The following IQSEC1 variants were observed in gnomAD, a reference collection of about 807,000 sequenced individuals.
IQSEC1 encodes the protein IQ motif and SEC7 domain-containing protein 1.
IQSEC1 carries 31 observed loss-of-function variants against 91.0 expected under a neutral mutation model. The observed-to-expected ratio is 0.34, with a 90% CI of 0.26 to 0.46. The LOEUF is 0.46. Ranked by LOEUF, IQSEC1 falls within the 20% of genes least tolerant of loss-of-function variation. The pLI, the probability that IQSEC1 is intolerant of heterozygous loss-of-function variation, is 1.00. For missense variants in IQSEC1, 1,388 were observed against 1,575.6 expected (o/e 0.88, Z 2.02); for synonymous variants, 699 against 662.6 (o/e 1.05, Z -0.84).
intron 1 of IQSEC1, among the ~76,000 whole-genome samples, chr3:12,990,234 C>T (rs1444759947): frequency 6.6e-6 from 1 of 152,176 alleles, no homozygotes; most frequent in African/African-American, 2.4e-5. Context: ...TAAAATGGTC[C>T]TGCAGGGCAT....
chr3:12,935,342 C>G lies in IQSEC1; in HGVS notation c.1568+106G>C. 8.8e-7 allele frequency: 1 copy of G among 1,130,550 alleles called. No individual in the cohort carries two copies. The allele number at this position is 1,130,550 out of a possible 1,614,324, so 70.0% of individuals were successfully genotyped here. A position where few individuals can be genotyped will look rare whatever the true frequency, so the allele number is the denominator to read the frequency against. ...GTGGCAGCTTCCTATGCTCATAGGC[C>G]ACGGTGGACCTCAAGCTCCGTGCTT... On this transcript the variant is annotated intron_variant, in intron 3 of 13. Transcript: ENST00000613206. This position sits in a 1 kb window ranked among gnomAD's most constrained non-coding sequence, Gnocchi z 8.0.
At chr3:12,916,133 C>G (rs931496718) in intron 6 of IQSEC1, among the ~76,000 whole-genome samples, 1 of 152,136 alleles carries the variant, frequency 6.6e-6, no homozygotes, top group Non-Finnish European at 1.5e-5. Flanking sequence ...GTTTGGGCTC[C>G]GATGGACCTG....
At chr3:13,038,467 T>C (rs1251503682) in intron 1 of IQSEC1, among the ~76,000 whole-genome samples, 1 of 151,454 alleles carries the variant, frequency 6.6e-6, no homozygotes, top group African/African-American at 2.4e-5. Flanking sequence ...CTTATGGACA[T>C]AGAGACTAGG....
intron 1 of IQSEC1, among the ~76,000 whole-genome samples, chr3:13,198,959 G>C (rs1347163027): frequency 1.3e-5 from 2 of 152,236 alleles, no homozygotes; most frequent in Non-Finnish European, 2.9e-5. Context: ...GGGCTTGGGA[G>C]GCTGCCGGGC....
At chr3:13,196,463 C>G (rs903565869) in intron 1 of IQSEC1, among the ~76,000 whole-genome samples, 1 of 152,328 alleles carries the variant, frequency 6.6e-6, no homozygotes, top group East Asian at 1.9e-4. Flanking sequence ...CCTCCTCAAC[C>G]GAGGGCTCAA....
intron 1 of IQSEC1, among the ~76,000 whole-genome samples, chr3:13,263,252 C>T (rs1458222723): frequency 1.4e-5 from 1 of 69,288 alleles, no homozygotes; most frequent in Non-Finnish European, 2.4e-5. Flanking sequence ...CTGTCTCAAA[C>T]AAAACAAAAC....
At chr3:12,937,182 C>T (rs1698281725) in intron 2 of IQSEC1, among the ~76,000 whole-genome samples, 1 of 152,166 alleles carries the variant, frequency 6.6e-6, no homozygotes, top group Non-Finnish European at 1.5e-5. Flanking sequence ...ATCCACCCGC[C>T]TCGCCCTCCC....
At chr3:13,216,434 G>A (rs910585830) in intron 1 of IQSEC1, among the ~76,000 whole-genome samples, 2 of 152,160 alleles carry the variant, frequency 1.3e-5, no homozygotes, top group Non-Finnish European at 2.9e-5. Context: ...GGCTTACAGA[G>A]GGCAGGTGAG....
chr3:13,276,154 T>C (rs1695676090), intron 1 of IQSEC1, among the ~76,000 whole-genome samples: 1 of 141,356 alleles, frequency 7.1e-6, no homozygotes, highest in Admixed American at 7.7e-5. Context: ...AATGGCGTGA[T>C]CTCGGCTCAC....
At chr3:13,269,403 G>T (rs193059701) in intron 1 of IQSEC1, among the ~76,000 whole-genome samples, 6 of 152,310 alleles carry the variant, frequency 3.9e-5, no homozygotes, top group Non-Finnish European at 7.4e-5. Context: ...CATATGGCAG[G>T]AGTTAAAAAT....
intron 1 of IQSEC1, among the ~76,000 whole-genome samples, chr3:13,029,967 CTTTA>C (rs1332963064): frequency 1.3e-5 from 2 of 152,182 alleles, no homozygotes; most frequent in Non-Finnish European, 2.9e-5. Flanking sequence ...CTCGTCCCAC[CTTTA>C]TTTATTTATT....
intron 2 of IQSEC1, among the ~76,000 whole-genome samples, chr3:13,146,835 G>A (rs979957954): frequency 2.6e-5 from 4 of 152,058 alleles, no homozygotes; most frequent in African/African-American, 9.7e-5. Flanking sequence ...CTCTGTCCCT[G>A]CTAAAAAAAA....
intron 2 of IQSEC1, among the ~76,000 whole-genome samples, chr3:13,131,017 C>G (rs367647962): frequency 7.4e-5 from 6 of 80,894 alleles, no homozygotes; most frequent in Non-Finnish European, 1.2e-4. Flanking sequence ...AAGGAAGGAA[C>G]GGAAGGGAAG....
chr3:13,183,208 A>AACAT (rs1197547538), intron 1 of IQSEC1, among the ~76,000 whole-genome samples: 1 of 145,728 alleles, frequency 6.9e-6, no homozygotes. Context: ...CAAACAAACA[A>AACAT]ACATAAATAA....
chr3:13,144,186 ACC>A (rs1276913052), intron 2 of IQSEC1, among the ~76,000 whole-genome samples: 1 of 151,226 alleles, frequency 6.6e-6, no homozygotes, highest in African/African-American at 2.4e-5. Flanking sequence ...CAAGGTACCA[ACC>A]CCTGTCCCCT....
chr3:12,945,583 A>G (rs1354315470), intron 1 of IQSEC1, among the ~76,000 whole-genome samples: 2 of 152,248 alleles, frequency 1.3e-5, no homozygotes, highest in East Asian at 3.9e-4. Context: ...AAAAAAAGAA[A>G]TGGCTGGGCC....
rs1418918870 is a variant in IQSEC1 at position 12,935,756 on chromosome 3, C to G, written c.1260G>C (p.Glu420Asp). The G allele has an allele frequency of 6.2e-7, 1 of 1,609,310 alleles. No individual in the cohort carries two copies. Among genetic ancestry groups the G allele is most frequent in the South Asian group, 1.1e-5 (1 of 91,062 alleles). The change falls in exon 3 of 14, where the codon GAG (glutamate) becomes GAC (aspartate). Residue 420 changes from glutamate (E) to aspartate (D), a missense_variant. Coordinates refer to ENST00000613206, the MANE Select transcript of IQSEC1 (RefSeq NM_001134382.3). This position sits in a 1 kb window ranked among gnomAD's most constrained non-coding sequence, Gnocchi z 8.0. ...SGAPKSLPRE[E>D]PELRPRPPRP... ...TGGGGGGCCGGGGCCGCAACTCAGG[C>G]TCCTCCCGGGGGAGGCTCTTGGGGG...
chr3:13,085,223 G>A (rs1310015508), intron 2 of IQSEC1, among the ~76,000 whole-genome samples: 3 of 152,166 alleles, frequency 2.0e-5, no homozygotes, highest in Non-Finnish European at 4.4e-5. Context: ...GACCTGCTCT[G>A]TGTCACTCAG....
Position 12,924,525 on chromosome 3 carries a change from G to A in IQSEC1, c.1730+56C>T. ...CTGTGTGTGCCCACGGGTAACACAG[G>A]GTGCGTGAGGGCGTGTGTGGAATCA... On this transcript the variant is annotated intron_variant, in intron 4 of 13. Coordinates refer to ENST00000613206, the MANE Select transcript of IQSEC1 (RefSeq NM_001134382.3). The surrounding 1 kb of genome is among the most constrained non-coding windows in gnomAD (Gnocchi z 6.3). 2 of 1,511,328 alleles carry A rather than the reference G, an allele frequency of 1.3e-6. No homozygotes were observed. The highest frequency in any genetic ancestry group is 1.8e-6 in the Non-Finnish European group (2 of 1,118,590). 93.6% of individuals were successfully genotyped at this position (1,511,328 alleles called of 1,614,324 possible). A position where few individuals can be genotyped will look rare whatever the true frequency, so the allele number is the denominator to read the frequency against.
Sources: gnomAD v4.1 joint callset for allele counts (sites outside exome capture counted in the v4.1 genomes callset) on GRCh38, gnomAD v4.1.1 for gene constraint, Gnocchi (gnomAD v3.1) non-coding constraint, MANE v1.5 for transcripts, NCBI Gene and HGNC (gene_info 2026-07-23, HGNC 2026-07-21) for gene names.